Variants in DOCK9 observed in about 807,000 individuals in gnomAD.
DOCK9 encodes the protein dedicator of cytokinesis protein 9.
Under a neutral mutation model 263.3 loss-of-function variants are expected in DOCK9, and 89 were observed. The observed-to-expected ratio is 0.34, with a 90% confidence interval of 0.28 to 0.40. The LOEUF (loss-of-function observed/expected upper bound fraction) is 0.40. DOCK9 is among the 10% of genes least tolerant of loss of function. DOCK9 has a pLI of 1.00. For synonymous variants in DOCK9, 976 were observed against 973.1 expected, an observed-to-expected ratio of 1.00 and a Z score of -0.06; for missense variants, 2,140 against 2,603.4, an observed-to-expected ratio of 0.82 and a Z score of 3.87.
chr13:98,850,261 T>C (rs1201405685), intron 35 of DOCK9, 148 bp from the exon 36 acceptor site: 2 of 544,660 alleles, frequency 3.7e-6, no homozygotes, highest in Non-Finnish European at 6.5e-6. Flanking sequence ...CCCTCTTTTA[T>C]AGCTGACCAC....
Position 98,885,769 on chromosome 13 carries a change from A to G in DOCK9, c.2199T>C (p.His733=), listed in dbSNP as rs1208510308. The part of the protein sequence containing the change: ...EKHHLLLTFF[H]VSCDNSSKGS... ...CTTTACTTGAGTTGTCACAGCTGAC[A>G]TGGAAGAATGTGAGCAACAGGTGGT... Residue 733 remains histidine, a synonymous_variant, in exon 20 of 53, where the codon CAT becomes CAC. Coordinates refer to ENST00000682017, the MANE Select transcript of DOCK9 (RefSeq NM_001366683.2). 1 of 1,613,122 alleles carries G rather than the reference A, an allele frequency of 6.2e-7. No individual in the cohort carries two copies. Among genetic ancestry groups the G allele is most frequent in the Non-Finnish European group, 8.5e-7 (1 of 1,179,688 alleles).
intron 1 of DOCK9, among the ~76,000 whole-genome samples, chr13:99,059,568 C>G (rs1015982233): frequency 2.6e-5 from 4 of 152,142 alleles, no homozygotes; most frequent in Admixed American, 6.5e-5. Flanking sequence ...AATGATCTTC[C>G]CAAAATACAA....
chr13:98,854,962 G>A (rs2093668967), intron 34 of DOCK9, among the ~76,000 whole-genome samples: 1 of 152,108 alleles, frequency 6.6e-6, no homozygotes. Context: ...GCTGTTTATT[G>A]GGATGGGCAC....
At chr13:98,826,119 T>G in intron 44 of DOCK9, 1 of 455,434 alleles carries the variant, frequency 2.2e-6, no homozygotes, top group South Asian at 7.9e-5. Flanking sequence ...TTTCACACTA[T>G]TTCTCACTTC....
chr13:98,846,891 C>A, intron 37 of DOCK9: 1 of 322,102 alleles, frequency 3.1e-6, no homozygotes, highest in Non-Finnish European at 6.0e-6. Flanking sequence ...CAGCAGAGAA[C>A]CATGGCAATT....
At chr13:98,907,461 T>G (rs1475755131) in intron 9 of DOCK9, among the ~76,000 whole-genome samples, 1 of 152,064 alleles carries the variant, frequency 6.6e-6, no homozygotes, top group East Asian at 1.9e-4. Flanking sequence ...CTCGGTATAA[T>G]TAAAGAACAA....
intron 49 of DOCK9, 44 bp downstream of exon 49, chr13:98,804,955 C>T (rs767810205): frequency 2.1e-5 from 32 of 1,548,328 alleles, no homozygotes; most frequent in Non-Finnish European, 2.4e-5. Context: ...AGCTCTTTGG[C>T]GAGGTGTCCG....
At chr13:98,860,179 G>C (rs1261154276) in intron 33 of DOCK9, 14 of 1,373,680 alleles carry the variant, frequency 1.0e-5, no homozygotes, top group Admixed American at 3.0e-5. Context: ...GTGAGCCAGT[G>C]ATTAACTGTA....
intron 9 of DOCK9, among the ~76,000 whole-genome samples, chr13:98,911,874 C>T (rs1595233955): frequency 7.0e-6 from 1 of 142,106 alleles, no homozygotes; most frequent in African/African-American, 2.6e-5. Context: ...TAAAAAAACA[C>T]TTTTTTTTTT....
At chr13:99,076,374 T>C (rs760407925) in intron 1 of DOCK9, among the ~76,000 whole-genome samples, 1 of 152,006 alleles carries the variant, frequency 6.6e-6, no homozygotes, top group Non-Finnish European at 1.5e-5. Context: ...TGAAAACAAA[T>C]GGTCCTAACA....
chr13:99,083,460 T>C (rs2042208209), intron 1 of DOCK9, among the ~76,000 whole-genome samples: 1 of 152,196 alleles, frequency 6.6e-6, no homozygotes, highest in Admixed American at 6.5e-5. Context: ...TTAAGTAACA[T>C]ATACTAGTTA....
In DOCK9 at chr13:99,059,971, ATG is replaced by A. The variant is rs761096909; in HGVS notation, c.129+26250_129+26251del. Among the ~76,000 whole-genome samples the A allele has an allele frequency of 8.0e-5, 12 of 150,446 alleles. No individual in the cohort carries two copies. The South Asian group carries it at 2.5e-3, about 32-fold the overall frequency. On this transcript the variant is annotated intron_variant, in intron 1 of 32. Transcript: ENST00000427887. ...TATCAAGATTCATCCATACTGTGGC[ATG>A]TGTCAGTACTCCACTCCTTTGAATG...
At position 98,836,242 on chromosome 13, in the gene DOCK9, G is replaced by A. The variant is rs189389605; in HGVS notation, c.4314+1252C>T. On this transcript the variant is annotated intron_variant, in intron 39 of 52. Coordinates refer to ENST00000682017, the MANE Select transcript of DOCK9 (RefSeq NM_001366683.2). ...TTACCTGGTGGGGCACAGGAGGAGAGGGGAAGAAGGTGTTGCTGCTGCTGT... is the reference window on the plus strand; with the variant it reads ...TTACCTGGTGGGGCACAGGAGGAGAAGGGAAGAAGGTGTTGCTGCTGCTGT... 3.3e-3 allele frequency among the ~76,000 whole-genome samples: 496 copies of A among 152,262 alleles called. 2 individuals are homozygous for A. The highest frequency in any genetic ancestry group is 4.7e-3 in the Non-Finnish European group (319 of 68,018).
intron 1 of DOCK9, among the ~76,000 whole-genome samples, chr13:99,012,446 C>T (rs1884663162): frequency 6.6e-6 from 1 of 152,098 alleles, no homozygotes; most frequent in Non-Finnish European, 1.5e-5. Flanking sequence ...GCTTGGTGCA[C>T]ACTGAGTAGC....
intron 36 of DOCK9, among the ~76,000 whole-genome samples, chr13:98,849,274 T>C (rs1322050322): frequency 6.6e-6 from 1 of 152,084 alleles, no homozygotes; most frequent in East Asian, 1.9e-4. Flanking sequence ...CAGTCTCTCA[T>C]CTGTAGTTCC....
chr13:99,011,348 G>A (rs1227071581), intron 1 of DOCK9, among the ~76,000 whole-genome samples: 1 of 152,138 alleles, frequency 6.6e-6, no homozygotes. Context: ...CAAAGTTGAA[G>A]GGCAATATAA....
rs770984670 is a variant in DOCK9 at position 98,797,221 on chromosome 13, G to A, written c.6050C>T (p.Ala2017Val). Reference sequence around the variant, plus strand: ...TTCTTTAATCAGACGTTCGTTTACCGCTAAGGCTTGACCGCAAGCTTCCAC... The same window carrying A: ...TTCTTTAATCAGACGTTCGTTTACCACTAAGGCTTGACCGCAAGCTTCCAC... ...QFVEACGQALAVNERLIKEDQ... is the reference protein window; with the variant it reads ...QFVEACGQALVVNERLIKEDQ... The change falls in exon 52 of 53, where the codon GCG (alanine) becomes GTG (valine). Residue 2017 changes from alanine (A) to valine (V), a missense_variant. Ala to Val is a moderately conservative substitution (Grantham distance 64). Transcript: ENST00000682017. 15 of 1,613,850 alleles carry A rather than the reference G, an allele frequency of 9.3e-6. No individual in the cohort carries two copies. The highest frequency in any genetic ancestry group is 1.6e-4 in the Middle Eastern group (1 of 6,062).
intron 47 of DOCK9, chr13:98,809,124 G>A (rs1379872491): frequency 2.6e-6 from 4 of 1,544,892 alleles, no homozygotes; most frequent in African/African-American, 1.4e-5. Flanking sequence ...AGAACTTACC[G>A]CTGCCTTAAG....
chr13:98,882,450 A>C (rs555376650), intron 23 of DOCK9, among the ~76,000 whole-genome samples: 1 of 152,184 alleles, frequency 6.6e-6, no homozygotes, highest in African/African-American at 2.4e-5. Context: ...AACCAAACAA[A>C]TTTCTATTCC....
Sources: gnomAD v4.1 joint callset for allele counts (sites outside exome capture counted in the v4.1 genomes callset) on GRCh38, gnomAD v4.1.1 for gene constraint, MANE v1.5 for transcripts, NCBI Gene and HGNC (gene_info 2026-07-23, HGNC 2026-07-21) for gene names.